The following GRIK1 variants were observed in gnomAD, a reference collection of about 807,000 sequenced individuals.
GRIK1 encodes the protein glutamate ionotropic receptor kainate type subunit 1, also known as glutamate receptor ionotropic, kainate 1.
In GRIK1, 69 loss-of-function variants were observed where a neutral mutation model predicts 105.7. The ratio of observed to expected loss-of-function variants is 0.65; its 90% CI spans 0.54 to 0.80. The LOEUF (loss-of-function observed/expected upper bound fraction) is 0.80. GRIK1 is among the 30% of genes least tolerant of loss of function. The pLI, the probability that GRIK1 is intolerant of heterozygous loss-of-function variation, is 0.00. For synonymous variants in GRIK1, 438 were observed against 431.3 expected (o/e 1.02, Z -0.19); for missense variants, 1,109 against 1,167.3 (o/e 0.95, Z 0.73).
At chr21:29,798,613 C>T (rs2066619562) in intron 1 of GRIK1, among the ~76,000 whole-genome samples, 1 of 152,106 alleles carries the variant, frequency 6.6e-6, no homozygotes, top group Non-Finnish European at 1.5e-5. Context: ...TTTAAAAATC[C>T]TTCATTCATT....
chr21:29,677,839 T>C (rs1189678753), intron 3 of GRIK1, among the ~76,000 whole-genome samples: 2 of 152,200 alleles, frequency 1.3e-5, no homozygotes, highest in Non-Finnish European at 2.9e-5. Flanking sequence ...ATAGCAGGAA[T>C]TGGAAGAGAC....
At chr21:29,845,017 G>A (rs2068076794) in intron 1 of GRIK1, among the ~76,000 whole-genome samples, 1 of 151,952 alleles carries the variant, frequency 6.6e-6, no homozygotes, top group African/African-American at 2.4e-5. Flanking sequence ...AGAAATCAAA[G>A]GATATTTATA....
chr21:29,651,388 G>A (rs1285632799), intron 5 of GRIK1, 97 bp from the exon 6 acceptor site: 1 of 758,714 alleles, frequency 1.3e-6, no homozygotes, highest in Non-Finnish European at 2.0e-6. Flanking sequence ...CTAATACAAT[G>A]ATACCTTTTA....
In GRIK1 at chr21:29,692,568, G is replaced by T. The variant is rs1390909799; in HGVS notation, c.286+1328C>A. On this transcript the variant is annotated intron_variant, in intron 2 of 17. Transcript: ENST00000327783. ...GCCATAGATATAAAAATATTATGTTGTTAATGTTTTTTGTTTTGTTTTTGA... is the reference window on the plus strand; with the variant it reads ...GCCATAGATATAAAAATATTATGTTTTTAATGTTTTTTGTTTTGTTTTTGA... 5.9e-5 allele frequency among the ~76,000 whole-genome samples: 9 copies of T among 152,214 alleles called. No individual in the cohort carries two copies. In the South Asian group the frequency reaches 1.9e-3, roughly 32 times the overall value.
At chr21:29,744,703 C>A (rs1344920515) in intron 1 of GRIK1, among the ~76,000 whole-genome samples, 4 of 151,878 alleles carry the variant, frequency 2.6e-5, no homozygotes, top group African/African-American at 4.8e-5. Context: ...ATCTTGTTAT[C>A]TGTTCTTTCC....
intron 1 of GRIK1, among the ~76,000 whole-genome samples, chr21:29,767,298 C>A (rs535712690): frequency 1.3e-5 from 2 of 151,976 alleles, no homozygotes; most frequent in African/African-American, 4.8e-5. Flanking sequence ...GTATGGATGT[C>A]GATTGTAGTA....
At chr21:29,641,493 G>A (rs1430313613) in intron 7 of GRIK1, among the ~76,000 whole-genome samples, 1 of 152,074 alleles carries the variant, frequency 6.6e-6, no homozygotes, top group Non-Finnish European at 1.5e-5. Flanking sequence ...CCAGTCTCAG[G>A]TATGTCTTTA....
At chr21:29,615,084 C>T (rs866089289) in intron 7 of GRIK1, among the ~76,000 whole-genome samples, 18 of 151,628 alleles carry the variant, frequency 1.2e-4, no homozygotes, top group Admixed American at 3.3e-4. Context: ...TCAAATGTCA[C>T]CTCCTCTCCG....
chr21:29,839,040 A>ATTTCTTTTCTTTTCT (rs57325641), intron 1 of GRIK1, among the ~76,000 whole-genome samples: 1 of 150,630 alleles, frequency 6.6e-6, no homozygotes, highest in South Asian at 2.1e-4. Context: ...TACTATAGGG[A>ATTTCTTTTCTTTTCT]TTTCTTTTCT....
At chr21:29,925,602 T>A (rs1188883655) in intron 1 of GRIK1, among the ~76,000 whole-genome samples, 1 of 152,206 alleles carries the variant, frequency 6.6e-6, no homozygotes, top group Non-Finnish European at 1.5e-5. Flanking sequence ...GAAGTTGATT[T>A]GAAGGATTAC....
chr21:29,684,608 T>C (rs1460531199), intron 3 of GRIK1, among the ~76,000 whole-genome samples: 2 of 152,030 alleles, frequency 1.3e-5, no homozygotes, highest in Middle Eastern at 3.2e-3. Flanking sequence ...CCTGGGTTCA[T>C]GCCATTCTCC....
chr21:29,766,027 A>G (rs1293074671), intron 1 of GRIK1, among the ~76,000 whole-genome samples: 2 of 151,586 alleles, frequency 1.3e-5, no homozygotes, highest in African/African-American at 2.4e-5. Context: ...AATTTTTTGT[A>G]TTTTTAGTAG....
At chr21:29,739,349 A>T (rs1178688297) in intron 1 of GRIK1, among the ~76,000 whole-genome samples, 1 of 152,192 alleles carries the variant, frequency 6.6e-6, no homozygotes, top group Non-Finnish European at 1.5e-5. Flanking sequence ...AGTTCCCATA[A>T]CCAGTGGTTC....
Position 29,641,213 on chromosome 21 carries a change from T to G in GRIK1, c.1098+1613A>C, listed in dbSNP as rs371869434. On this transcript the variant is annotated intron_variant, in intron 7 of 17. Transcript: ENST00000327783. ...GGTGTGTCCCCACCCAAATCTCATC[T>G]CGAATTGTAGCTCCCACAATTCCCA... is the stretch of plus-strand genomic sequence containing the variant. Among the ~76,000 whole-genome samples, 4 of 152,264 alleles carry G rather than the reference T, an allele frequency of 2.6e-5. 1 individual carries two copies. Among genetic ancestry groups the G allele is most frequent in the African/African-American group, 9.6e-5 (4 of 41,550 alleles).
intron 1 of GRIK1, among the ~76,000 whole-genome samples, chr21:29,843,868 G>A (rs2068044183): frequency 6.6e-6 from 1 of 152,160 alleles, no homozygotes. Flanking sequence ...ACTCCTTCTA[G>A]AGCGATGATT....
rs2068559118 is a variant in GRIK1 at position 29,859,199 on chromosome 21, C to G, written c.118+80184G>C. On this transcript the variant is annotated intron_variant, in intron 1 of 17. Coordinates refer to ENST00000327783, the MANE Select transcript of GRIK1 (RefSeq NM_001330994.2). ...GACACAGGAAGGGGAACATCACACA[C>G]CGGGGCCTGTTGTGGGGTGGGGGGA... 2.0e-5 allele frequency among the ~76,000 whole-genome samples: 3 copies of G among 148,990 alleles called. No individual in the cohort carries two copies. The South Asian group carries it at 6.6e-4, about 33-fold the overall frequency.
intron 7 of GRIK1, among the ~76,000 whole-genome samples, chr21:29,626,501 A>G (rs1404771505): frequency 6.6e-6 from 1 of 152,240 alleles, no homozygotes; most frequent in Non-Finnish European, 1.5e-5. Flanking sequence ...GGACACAGCA[A>G]GAAGGTGGCC....
At chr21:29,865,068 G>C (rs1366625037) in intron 1 of GRIK1, among the ~76,000 whole-genome samples, 2 of 152,188 alleles carry the variant, frequency 1.3e-5, no homozygotes, top group Non-Finnish European at 1.5e-5. Context: ...CAGGAAGTAA[G>C]TTCCCTGCTG....
At chr21:29,846,096 A>T (rs964487913) in intron 1 of GRIK1, among the ~76,000 whole-genome samples, 1 of 152,184 alleles carries the variant, frequency 6.6e-6, no homozygotes, top group Non-Finnish European at 1.5e-5. Context: ...GACACAGAAT[A>T]GAAATGCTTC....
Sources: allele counts gnomAD v4.1 joint callset (sites outside exome capture counted in the v4.1 genomes callset), GRCh38; gene constraint gnomAD v4.1.1; transcripts MANE v1.5; gene names NCBI Gene and HGNC (gene_info 2026-07-23, HGNC 2026-07-21).